UFSP2: variants seen among roughly 807,000 people sequenced by gnomAD.
UFSP2 encodes the protein UFM1 specific peptidase 2.
A neutral mutation model predicts 60.2 loss-of-function variants in UFSP2; 43 were observed. The observed-to-expected ratio is 0.71, with a 90% CI of 0.56 to 0.92. The LOEUF (loss-of-function observed/expected upper bound fraction) is 0.92, where lower values mean the gene tolerates loss of function less well. Among genes scored for constraint, UFSP2 ranks in the 40% least tolerant of loss-of-function variants. The pLI is 0.00. For synonymous variants in UFSP2, 183 were observed against 195.1 expected (o/e 0.94, Z 0.52); for missense variants, 520 against 575.0 (o/e 0.90, Z 0.98).
intron 4 of UFSP2, among the ~76,000 whole-genome samples, chr4:185,418,069 A>C (rs77549064): frequency 0.32 from 7,173 of 22,664 alleles, 228 homozygotes; most frequent in Middle Eastern, 0.43. Context: ...CACACACACA[A>C]ACAACAGAAC....
chr4:185,405,767 T>C lies in UFSP2; in HGVS notation c.1198+13A>G. ...TACTCACTCTACCAAAAACAGTGTC[T>C]GAAACAGCTTACCGATCATAACTGG... On this transcript the variant is annotated intron_variant, in intron 10 of 11. Coordinates refer to ENST00000264689, the MANE Select transcript of UFSP2 (RefSeq NM_018359.5). 1.2e-6 allele frequency: 2 copies of C among 1,613,700 alleles called. No homozygotes were observed. Among genetic ancestry groups the C allele is most frequent in the Non-Finnish European group, 1.7e-6 (2 of 1,179,730 alleles).
chr4:185,409,250 CTAAGT>C lies in UFSP2; in HGVS notation c.832-820_832-816del, dbSNP rs563338048. ...AGCCCAAGTATGTTATTTGATGACG[CTAAGT>C]TAAGGGTCAAAAAATAAAGATAAAT... is the stretch of plus-strand genomic sequence containing the variant. On this transcript the variant is annotated intron_variant, in intron 7 of 11. Transcript: ENST00000264689. 2.6e-3 allele frequency among the ~76,000 whole-genome samples: 403 copies of C among 152,170 alleles called. 1 individual carries two copies. Among genetic ancestry groups the C allele is most frequent in the African/African-American group, 5.6e-3 (233 of 41,526 alleles).
rs77020176 is a variant in UFSP2, at chr4:185,416,045, G to A, written c.334-178C>T. 1,892 of 463,212 alleles carry A rather than the reference G, an allele frequency of 4.1e-3. 38 individuals carry two copies. Among genetic ancestry groups the A allele is most frequent in the African/African-American group, 0.035 (1,728 of 49,856 alleles). The allele number at this position is 463,212 out of a possible 1,614,324, so 28.7% of individuals were successfully genotyped here. A position where few individuals can be genotyped will look rare whatever the true frequency, so the allele number is the denominator to read the frequency against. Reference sequence around the variant, plus strand: ...CAAGGAGTTCAATCTGTAACTGGCTGTGAATGATCAACTGAGATAACTCAC... The same window carrying A: ...CAAGGAGTTCAATCTGTAACTGGCTATGAATGATCAACTGAGATAACTCAC... On this transcript the variant is annotated intron_variant, in intron 4 of 11. Transcript: ENST00000264689.
chr4:185,405,344 CACAGG>C (rs1414539144), intron 10 of UFSP2, among the ~76,000 whole-genome samples: 1 of 152,184 alleles, frequency 6.6e-6, no homozygotes, highest in Non-Finnish European at 1.5e-5. Context: ...CTTCTGTCAT[CACAGG>C]ACAGGTCTTG....
chr4:185,424,573 T>C (rs1273302840), intron 1 of UFSP2, among the ~76,000 whole-genome samples: 1 of 152,220 alleles, frequency 6.6e-6, no homozygotes, highest in African/African-American at 2.4e-5. Context: ...AAATTTAGCT[T>C]CATGTTGTCC....
rs765418421 is a variant in UFSP2 at position 185,415,205 on chromosome 4, T to C, written c.634A>G (p.Ile212Val). ...TCTGGTATTCCTGAAGGATATGAAA[T>C]TGTTACAAGATTTTTTTTCCCTGGT... ...LLPGKKNLVT[I>V]SYPSGIPDGQ... Residue 212 changes from isoleucine (I) to valine (V), a missense_variant, in exon 6 of 12, where the codon ATT becomes GTT. Transcript: ENST00000264689. 27 of 1,607,206 alleles carry C rather than the reference T, an allele frequency of 1.7e-5. No individual in the cohort carries two copies. Among genetic ancestry groups the C allele is most frequent in the Non-Finnish European group, 2.1e-5 (25 of 1,178,672 alleles).
chr4:185,411,169 A>G (rs2095528718), intron 7 of UFSP2, among the ~76,000 whole-genome samples: 1 of 151,786 alleles, frequency 6.6e-6, no homozygotes, highest in South Asian at 2.1e-4. Flanking sequence ...TGAAGAATGA[A>G]AAAGAAAATA....
rs779122854 is a variant in UFSP2, at chr4:185,418,487, A to G, written c.287T>C (p.Ile96Thr). 1 of 1,612,018 alleles carries G rather than the reference A, an allele frequency of 6.2e-7. No individual in the cohort carries two copies. The highest frequency in any genetic ancestry group is 1.1e-5 in the South Asian group (1 of 90,860). Residue 96 changes from isoleucine (I) to threonine (T), a missense_variant, in exon 4 of 12, where the codon ATA becomes ACA. Physicochemically the swap from Ile to Thr is moderately conservative, Grantham distance 89. Transcript: ENST00000264689. ...RFIQFEPEED[I>T]KRKFMRKKDK... ...CTTCTTTCTCATGAATTTTCTTTTT[A>G]TATCTTCTTCTGGCTCAAATCTAAA...
intron 1 of UFSP2, 107 bp from the exon 2 acceptor site, chr4:185,422,670 T>A: frequency 2.6e-6 from 2 of 767,638 alleles, no homozygotes; most frequent in Non-Finnish European, 2.0e-6. Context: ...TAACCTTGAT[T>A]CTTCAAATTA....
chr4:185,407,428 A>G (rs1205774002), intron 9 of UFSP2, among the ~76,000 whole-genome samples: 2 of 152,148 alleles, frequency 1.3e-5, no homozygotes, highest in African/African-American at 2.4e-5. Context: ...TAATTAATTT[A>G]TATTTTCTCA....
chr4:185,421,837 C>T (rs538800871), intron 2 of UFSP2, among the ~76,000 whole-genome samples: 2 of 152,318 alleles, frequency 1.3e-5, no homozygotes, highest in South Asian at 4.1e-4. Context: ...AACTATCACC[C>T]TTCAGAGACA....
chr4:185,419,421 C>T (rs1021117671), intron 2 of UFSP2, among the ~76,000 whole-genome samples: 2 of 152,188 alleles, frequency 1.3e-5, no homozygotes, highest in African/African-American at 2.4e-5. Context: ...TGAGCCACCG[C>T]GCCTGGCCCT....
Position 185,407,985 on chromosome 4 carries a change from G to A in UFSP2, c.1072C>T (p.Leu358=). 6.2e-7 allele frequency: 1 copy of A among 1,614,122 alleles called. No individual in the cohort carries two copies. The part of the protein sequence containing the change: ...RQWIGSIEVQ[L]VLNQLIGITS... The stretch of plus-strand genomic sequence containing the variant: ...ATACCGATCAATTGGTTTAGTACCA[G>A]CTGCACCTCAATAGATCCAATCCAT... Residue 358 remains leucine (L), a synonymous_variant, in exon 9 of 12, where the codon CTG becomes TTG. Transcript: ENST00000264689.
rs760012087 is a variant in UFSP2, at chr4:185,415,778, G to A, written c.423C>T (p.His141=). Residue 141 remains histidine, a synonymous_variant, in exon 5 of 12, where the codon CAC becomes CAT. Transcript: ENST00000264689. Reference sequence around the variant, plus strand: ...CAGGTAAAGTCATATTAACATAATGGTGTCCTCCGCTTTCCCTTTCAATGA... The same window carrying A: ...CAGGTAAAGTCATATTAACATAATGATGTCCTCCGCTTTCCCTTTCAATGA... ...TPIIERESGG[H]HYVNMTLPVD... 1.2e-6 allele frequency: 2 copies of A among 1,613,724 alleles called. No individual in the cohort carries two copies. The highest frequency in any genetic ancestry group is 3.3e-5 in the Admixed American group (2 of 60,000).
chr4:185,406,112 T>C, intron 9 of UFSP2: 1 of 560,856 alleles, frequency 1.8e-6, no homozygotes, highest in South Asian at 2.1e-5. Flanking sequence ...CTTCTTGAAC[T>C]GTATAAAGGA....
At chr4:185,403,675 A>C in intron 10 of UFSP2, 57 bp from the exon 11 acceptor site, 1 of 1,585,252 alleles carries the variant, frequency 6.3e-7, no homozygotes, top group Non-Finnish European at 8.6e-7. Flanking sequence ...TCAAATGCCT[A>C]TTCAATTTAA....
At chr4:185,401,805 C>T (rs189859118) in intron 11 of UFSP2, among the ~76,000 whole-genome samples, 1 of 152,294 alleles carries the variant, frequency 6.6e-6, no homozygotes, top group Admixed American at 6.5e-5. Context: ...CAGGGACAAT[C>T]CCTTACTCTA....
At position 185,418,782 on chromosome 4, in the gene UFSP2, G is replaced by T; in HGVS notation, c.83-12C>A. On this transcript the variant is annotated splice_polypyrimidine_tract_variant and intron_variant, in intron 2 of 11. Transcript: ENST00000264689. ...CTTGAGAAAAATTTCTAAATTAAAA[G>T]AATATAAATAGAAGTTAAGAAAAAC... 6.4e-7 allele frequency: 1 copy of T among 1,574,040 alleles called. No homozygotes were observed. The highest frequency in any genetic ancestry group is 1.2e-5 in the South Asian group (1 of 83,474).
rs559637995 is a variant in UFSP2 at position 185,406,610 on chromosome 4, C to T, written c.1122-754G>A. Among the ~76,000 whole-genome samples, 4 of 152,270 alleles carry T rather than the reference C, an allele frequency of 2.6e-5. No homozygotes were observed. In the East Asian group the frequency reaches 7.7e-4, roughly 29 times the overall value. Reference sequence around the variant, plus strand: ...TTATTTTTTGAGATGGAGGCTCGCTCTGTTGCCCAGGCTGGAGTGGAGTGG... The same window carrying T: ...TTATTTTTTGAGATGGAGGCTCGCTTTGTTGCCCAGGCTGGAGTGGAGTGG... On this transcript the variant is annotated intron_variant, in intron 9 of 11. Coordinates refer to ENST00000264689, the MANE Select transcript of UFSP2 (RefSeq NM_018359.5).
Sources: gnomAD v4.1 joint callset for allele counts (sites outside exome capture counted in the v4.1 genomes callset) on GRCh38, gnomAD v4.1.1 for gene constraint, MANE v1.5 for transcripts, NCBI Gene and HGNC (gene_info 2026-07-23, HGNC 2026-07-21) for gene names.